The following PAX3 variants were observed in gnomAD, a reference collection of about 807,000 sequenced individuals.
PAX3 encodes the protein paired box protein Pax-3.
In PAX3, 14 loss-of-function variants were observed where a neutral mutation model predicts 51.6. The ratio of observed to expected loss-of-function variants is 0.27; its 90% CI spans 0.18 to 0.42. The LOEUF is 0.42. Ranked by LOEUF, PAX3 falls within the 10% of genes least tolerant of loss-of-function variation. The pLI is 1.00. For synonymous variants in PAX3, 280 were observed against 253.4 expected (o/e 1.11, Z -1.00); for missense variants, 540 against 642.8 (o/e 0.84, Z 1.73).
At chr2:222,254,817 C>G (rs1195272754) in intron 4 of PAX3, among the ~76,000 whole-genome samples, 1 of 152,078 alleles carries the variant, frequency 6.6e-6, no homozygotes, top group South Asian at 2.1e-4. Context: ...TAGTCTTGCT[C>G]TATTGGCCAG....
At chr2:222,295,823 C>T (rs920404431) in intron 2 of PAX3, among the ~76,000 whole-genome samples, 166 bp from the exon 3 acceptor site, 3 of 152,162 alleles carry the variant, frequency 2.0e-5, no homozygotes, top group African/African-American at 7.2e-5. Flanking sequence ...TAGAAAGGGG[C>T]AGACCAGAAC....
intron 8 of PAX3, 62 bp from the exon 9 acceptor site, chr2:222,201,504 A>T: frequency 6.3e-7 from 1 of 1,594,660 alleles, no homozygotes; most frequent in Non-Finnish European, 8.6e-7. Flanking sequence ...CAGGGGCAAG[A>T]TCAGCTACAG....
chr2:222,295,733 C>A, intron 2 of PAX3, 76 bp from the exon 3 acceptor site: 1 of 1,546,234 alleles, frequency 6.5e-7, no homozygotes, highest in East Asian at 2.2e-5. Flanking sequence ...CGCCTCTGGG[C>A]CTGTCGGGAT....
intron 5 of PAX3, among the ~76,000 whole-genome samples, chr2:222,231,669 C>A (rs998157231): frequency 1.3e-5 from 2 of 152,172 alleles, no homozygotes; most frequent in African/African-American, 4.8e-5. Context: ...GTCTCAGTTT[C>A]CTTATTTGTA....
intron 4 of PAX3, among the ~76,000 whole-genome samples, chr2:222,291,956 C>T (rs1695054590): frequency 6.7e-6 from 1 of 148,582 alleles, no homozygotes; most frequent in South Asian, 2.2e-4. Context: ...TTAAATCAGG[C>T]TTCAGCCTCC....
At chr2:222,238,083 G>A (rs1276371715) in intron 4 of PAX3, among the ~76,000 whole-genome samples, 2 of 152,128 alleles carry the variant, frequency 1.3e-5, no homozygotes, top group Admixed American at 6.6e-5. Context: ...GATTACACTT[G>A]GGAAAATGGA....
chr2:222,203,003 C>A lies in PAX3; in HGVS notation c.1174-813G>T, dbSNP rs564244461. Among the ~76,000 whole-genome samples, 57 of 92,636 alleles carry A rather than the reference C, an allele frequency of 6.2e-4. 1 individual carries two copies. The highest frequency in any genetic ancestry group is 2.2e-3 in the African/African-American group (57 of 26,220). 60.8% of individuals were successfully genotyped at this position (92,636 alleles called of 152,430 possible). On this transcript the variant is annotated intron_variant, in intron 7 of 8. Transcript: ENST00000392070. ...CCTATTATTTTATTTCTTCTCTAAA[C>A]AACCATTTCATATATATATATATAT...
chr2:222,240,670 T>C (rs1280049381), intron 4 of PAX3, among the ~76,000 whole-genome samples: 4 of 152,136 alleles, frequency 2.6e-5, no homozygotes, highest in Admixed American at 6.6e-5. Flanking sequence ...AACCCGTACC[T>C]GTTTAAGCAA....
At chr2:222,244,348 C>T (rs1016499583) in intron 4 of PAX3, among the ~76,000 whole-genome samples, 1 of 152,170 alleles carries the variant, frequency 6.6e-6, no homozygotes, top group Non-Finnish European at 1.5e-5. Flanking sequence ...TGGCCCCTTC[C>T]TCTCTGATTT....
intron 7 of PAX3, among the ~76,000 whole-genome samples, chr2:222,203,477 C>A (rs1282972117): frequency 6.6e-6 from 1 of 152,000 alleles, no homozygotes; most frequent in East Asian, 1.9e-4. Flanking sequence ...AAGTGTGAAG[C>A]CTACAGAGAT....
intron 4 of PAX3, among the ~76,000 whole-genome samples, chr2:222,256,942 T>C (rs1443870997): frequency 6.6e-6 from 1 of 152,158 alleles, no homozygotes. Flanking sequence ...CCTGTACTTG[T>C]GAGATAGTTT....
At chr2:222,289,183 T>C (rs1453323546) in intron 4 of PAX3, among the ~76,000 whole-genome samples, 5 of 152,240 alleles carry the variant, frequency 3.3e-5, no homozygotes, top group Non-Finnish European at 7.3e-5. Context: ...AAGTTACCTG[T>C]CATACAGAAT....
At chr2:222,260,578 G>GTT (rs1345531558) in intron 4 of PAX3, among the ~76,000 whole-genome samples, 15 of 61,688 alleles carry the variant, frequency 2.4e-4, no homozygotes, top group Non-Finnish European at 3.9e-4. Flanking sequence ...TTTTTTTTTT[G>GTT]TTTTTTTTTT....
rs944943242 is a variant in PAX3, at chr2:222,202,058, T to C, written c.1306A>G (p.Met436Val). 1 of 1,613,932 alleles carries C rather than the reference T, an allele frequency of 6.2e-7. No individual in the cohort carries two copies. Among genetic ancestry groups the C allele is most frequent in the African/African-American group, 1.3e-5 (1 of 74,906 alleles). The change falls in exon 8 of 9, where the codon ATG becomes GTG. Residue 436 changes from methionine to valine, a missense_variant. Met to Val is a conservative substitution (Grantham distance 21, BLOSUM62 1). This residue lies in a region of PAX3 where 427 missense variants were observed against 483.6 expected (regional missense o/e 0.88). Transcript: ENST00000392070. Reference protein sequence around the residue: ...SASCSQRLDHMKSLDSLPTSQ... With the variant: ...SASCSQRLDHVKSLDSLPTSQ... ...GTTGGCAGACTGTCCAAGCTCTTCA[T>C]ATGGTCTAGTCTCTGACTGCAGCTG...
At chr2:222,257,733 C>A (rs1230361955) in intron 4 of PAX3, among the ~76,000 whole-genome samples, 1 of 152,210 alleles carries the variant, frequency 6.6e-6, no homozygotes, top group Non-Finnish European at 1.5e-5. Flanking sequence ...CCCTTCGCAT[C>A]TGACAGCAGG....
At chr2:222,244,752 AAG>A (rs1039042841) in intron 4 of PAX3, among the ~76,000 whole-genome samples, 3 of 151,398 alleles carry the variant, frequency 2.0e-5, no homozygotes, top group South Asian at 4.2e-4. Context: ...AAAAAAAAAA[AAG>A]ATATTCAGCT....
intron 4 of PAX3, among the ~76,000 whole-genome samples, chr2:222,292,883 A>G (rs1695095422): frequency 6.6e-6 from 1 of 152,168 alleles, no homozygotes; most frequent in Non-Finnish European, 1.5e-5. Context: ...GAGTATCTAC[A>G]CTTGTTTTTC....
chr2:222,271,834 T>A (rs900634131), intron 4 of PAX3, among the ~76,000 whole-genome samples: 5 of 152,218 alleles, frequency 3.3e-5, no homozygotes, highest in African/African-American at 1.2e-4. Context: ...TTGAAAAAGA[T>A]GCTTCTGAAA....
intron 4 of PAX3, among the ~76,000 whole-genome samples, chr2:222,237,601 T>C (rs1032514972): frequency 6.6e-6 from 1 of 152,212 alleles, no homozygotes; most frequent in African/African-American, 2.4e-5. Context: ...GTATAGTTTT[T>C]AAACAACAAT....
Sources: allele counts gnomAD v4.1 joint callset (sites outside exome capture counted in the v4.1 genomes callset), GRCh38; gene constraint gnomAD v4.1.1; regional missense constraint gnomAD v4.1.1; transcripts MANE v1.5; gene names NCBI Gene and HGNC (gene_info 2026-07-23, HGNC 2026-07-21).